Variants in RAD18 observed in about 807,000 individuals in gnomAD.
RAD18 encodes the protein RAD18 E3 ubiquitin protein ligase, also known as E3 ubiquitin-protein ligase RAD18.
A neutral mutation model predicts 60.4 loss-of-function variants in RAD18; 47 were observed. The ratio of observed to expected loss-of-function variants is 0.78; its 90% CI spans 0.62 to 0.99. The LOEUF is 0.99. RAD18 is among the 50% of genes least tolerant of loss of function. RAD18 has a pLI of 0.00. For synonymous variants in RAD18, 225 were observed against 195.5 expected (o/e 1.15, Z -1.26); for missense variants, 640 against 593.3 (o/e 1.08, Z -0.82).
chr3:8,886,163 T>G (rs1333280188), intron 12 of RAD18, among the ~76,000 whole-genome samples: 1 of 152,240 alleles, frequency 6.6e-6, no homozygotes, highest in Non-Finnish European at 1.5e-5. Context: ...TGGGGTGATT[T>G]ACTTAACCCT....
At chr3:8,931,175 CAAGTA>C (rs892058064) in intron 7 of RAD18, among the ~76,000 whole-genome samples, 1 of 151,864 alleles carries the variant, frequency 6.6e-6, no homozygotes, top group African/African-American at 2.4e-5. Context: ...TAATAGTATA[CAAGTA>C]AATATACAAA....
Position 8,881,507 on chromosome 3 carries a change from T to C in RAD18, c.1386-48A>G, listed in dbSNP as rs776845416. The C allele has an allele frequency of 7.0e-6, 10 of 1,430,320 alleles. No individual in the cohort carries two copies. In the Admixed American group the frequency reaches 1.8e-4, roughly 25 times the overall value. 88.6% of individuals were successfully genotyped at this position (1,430,320 alleles called of 1,614,324 possible). Reference sequence around the variant, plus strand: ...ACATCTTGGAAAGTAATGATTATTGTACAGCAGTTTCTAGTTTACAAGTGT... The same window carrying C: ...ACATCTTGGAAAGTAATGATTATTGCACAGCAGTTTCTAGTTTACAAGTGT... On this transcript the variant is annotated intron_variant, in intron 12 of 12. Transcript: ENST00000264926.
At position 8,920,875 on chromosome 3, in the gene RAD18, T is replaced by G. The variant is rs539469225; in HGVS notation, c.890-7155A>C. On this transcript the variant is annotated intron_variant, in intron 7 of 12. Coordinates refer to ENST00000264926, the MANE Select transcript of RAD18 (RefSeq NM_020165.4). ...CAATATGTGATCCAAAACTGGATCA[T>G]GTACTGCAGGAAAAAAAATCTACAA... 5.8e-4 allele frequency among the ~76,000 whole-genome samples: 88 copies of G among 152,308 alleles called. No homozygotes were observed. The South Asian group carries it at 6.6e-3, about 11-fold the overall frequency.
rs576244998 is a variant in RAD18, at chr3:8,925,760, T to A, written c.889+10111A>T. 1.6e-3 allele frequency among the ~76,000 whole-genome samples: 240 copies of A among 152,144 alleles called. 1 individual carries two copies. The highest frequency in any genetic ancestry group is 5.4e-3 in the African/African-American group (226 of 41,504). On this transcript the variant is annotated intron_variant, in intron 7 of 12. Transcript: ENST00000264926. ...TGGGATGCAAGGCTGGTTCAACATA[T>A]GCAAATCAATAAATGTAATCCAGCA...
intron 7 of RAD18, among the ~76,000 whole-genome samples, chr3:8,924,672 T>G (rs971311359): frequency 1.6e-5 from 2 of 127,510 alleles, no homozygotes; most frequent in African/African-American, 5.7e-5. Context: ...AAAGCACTCT[T>G]CAGCAAATGT....
chr3:8,892,584 GC>G (rs1450258883), intron 11 of RAD18, among the ~76,000 whole-genome samples: 3 of 152,050 alleles, frequency 2.0e-5, no homozygotes, highest in African/African-American at 7.2e-5. Flanking sequence ...CTGTGTGTGT[GC>G]ATGCACACAC....
At chr3:8,909,393 G>A (rs1940067968) in intron 9 of RAD18, among the ~76,000 whole-genome samples, 1 of 152,118 alleles carries the variant, frequency 6.6e-6, no homozygotes, top group Admixed American at 6.5e-5. Context: ...CTGAGTATTA[G>A]GAAGGGGCAA....
intron 1 of RAD18, among the ~76,000 whole-genome samples, chr3:8,960,051 T>C (rs575024804): frequency 1.3e-5 from 2 of 152,372 alleles, no homozygotes; most frequent in East Asian, 3.9e-4. Flanking sequence ...GGTGGCTCTG[T>C]AATCCTAGCA....
intron 6 of RAD18, among the ~76,000 whole-genome samples, chr3:8,937,168 T>C (rs190758367): frequency 1.3e-5 from 2 of 152,232 alleles, no homozygotes; most frequent in African/African-American, 4.8e-5. Context: ...CAAAATGAAA[T>C]CTCAGTAGGT....
chr3:8,928,486 G>T (rs1473385138), intron 7 of RAD18, among the ~76,000 whole-genome samples: 2 of 152,048 alleles, frequency 1.3e-5, no homozygotes, highest in Non-Finnish European at 2.9e-5. Context: ...ATGAAATAAA[G>T]TAGCTGCTAT....
intron 12 of RAD18, among the ~76,000 whole-genome samples, chr3:8,886,907 T>C (rs1306896448): frequency 6.6e-6 from 1 of 152,150 alleles, no homozygotes; most frequent in Non-Finnish European, 1.5e-5. Flanking sequence ...CCAGGTAGGC[T>C]GGGGCCAGAA....
Position 8,939,550 on chromosome 3 carries a change from T to G in RAD18, c.704+4A>C. The G allele has an allele frequency of 6.2e-7, 1 of 1,608,320 alleles. No individual in the cohort carries two copies. The highest frequency in any genetic ancestry group is 8.5e-7 in the Non-Finnish European group (1 of 1,175,656). ...AGCTCAATGGTTCTGCTCAACTTCC[T>G]TACCTTCTGAGGCTTTCCTTCTTCT... On this transcript the variant is annotated splice_donor_region_variant and intron_variant, in intron 6 of 12. Coordinates refer to ENST00000264926, the MANE Select transcript of RAD18 (RefSeq NM_020165.4).
intron 12 of RAD18, among the ~76,000 whole-genome samples, chr3:8,882,124 G>C (rs938811964): frequency 2.4e-5 from 3 of 123,584 alleles, no homozygotes; most frequent in Non-Finnish European, 5.2e-5. Context: ...CAGTGGCTAC[G>C]GGGGACAGGA....
intron 2 of RAD18, among the ~76,000 whole-genome samples, chr3:8,951,163 C>T (rs1217296017): frequency 6.6e-6 from 1 of 152,138 alleles, no homozygotes; most frequent in African/African-American, 2.4e-5. Flanking sequence ...TCGGAGAACA[C>T]TAACCAGGAT....
chr3:8,897,812 T>C (rs1213502196), intron 11 of RAD18, among the ~76,000 whole-genome samples: 1 of 152,174 alleles, frequency 6.6e-6, no homozygotes, highest in African/African-American at 2.4e-5. Context: ...ATGCCTGTAA[T>C]TCCAGCACTT....
chr3:8,928,775 A>G (rs1940496511), intron 7 of RAD18, among the ~76,000 whole-genome samples: 1 of 152,226 alleles, frequency 6.6e-6, no homozygotes, highest in African/African-American at 2.4e-5. Flanking sequence ...CATAGCATTT[A>G]CAGATCACTG....
chr3:8,899,488 C>T (rs1244777408), intron 10 of RAD18, among the ~76,000 whole-genome samples: 1 of 152,154 alleles, frequency 6.6e-6, no homozygotes, highest in African/African-American at 2.4e-5. Flanking sequence ...GGACATTTTT[C>T]TAAACATTTT....
At chr3:8,902,921 G>A (rs1039011041) in intron 9 of RAD18, among the ~76,000 whole-genome samples, 1 of 151,912 alleles carries the variant, frequency 6.6e-6, no homozygotes, top group African/African-American at 2.4e-5. Flanking sequence ...AGCTACTTAG[G>A]AGGCTGAGGC....
At chr3:8,893,724 G>T (rs561803387) in intron 11 of RAD18, among the ~76,000 whole-genome samples, 2 of 139,634 alleles carry the variant, frequency 1.4e-5, no homozygotes, top group Non-Finnish European at 1.5e-5. Context: ...TTGAGACAGG[G>T]TGTTGCTCTG....
Sources: allele counts gnomAD v4.1 joint callset (sites outside exome capture counted in the v4.1 genomes callset), GRCh38; gene constraint gnomAD v4.1.1; transcripts MANE v1.5; gene names NCBI Gene and HGNC (gene_info 2026-07-23, HGNC 2026-07-21).